The following TNFRSF10B variants were observed in gnomAD, a reference collection of about 807,000 sequenced individuals.
TNFRSF10B encodes tumor necrosis factor receptor superfamily member 10B.
In TNFRSF10B, 35 loss-of-function variants were observed where a neutral mutation model predicts 41.4. That is an observed-to-expected ratio of 0.85 (90% confidence interval 0.65 to 1.12). The LOEUF is 1.12. TNFRSF10B is among the 50% of genes most tolerant of loss of function. The pLI, the probability that TNFRSF10B is intolerant of heterozygous loss-of-function variation, is 0.00. For synonymous variants in TNFRSF10B, 230 were observed against 215.5 expected (o/e 1.07, Z -0.59); for missense variants, 584 against 552.7 (o/e 1.06, Z -0.57).
chr8:23,050,215 T>A (rs964191126), intron 1 of TNFRSF10B, among the ~76,000 whole-genome samples: 4 of 152,234 alleles, frequency 2.6e-5, no homozygotes, highest in Admixed American at 6.5e-5. Context: ...TTGGTTGATA[T>A]CAGGTTTTGC....
At chr8:23,028,704 G>A in intron 4 of TNFRSF10B, 102 bp from the exon 5 acceptor site, 2 of 1,423,444 alleles carry the variant, frequency 1.4e-6, no homozygotes, top group African/African-American at 1.4e-5. Flanking sequence ...CTGAGAAGGT[G>A]TCAGGGGAAG....
Position 23,043,137 on chromosome 8 carries a change from C to A in TNFRSF10B, c.250+1G>T. On this transcript the variant is annotated splice_donor_variant, in intron 2 of 8. Transcript: ENST00000276431. LOFTEE classifies it high-confidence loss of function. ...GGATTAGAGACCCATCTTGAACATA[C>A]CAGGTGGACACAATCCCTCTGAGGG... 1 of 1,613,924 alleles carries A rather than the reference C, an allele frequency of 6.2e-7. No homozygotes were observed. The highest frequency in any genetic ancestry group is 1.1e-5 in the South Asian group (1 of 91,072).
chr8:23,056,875 T>C (rs1160939577), intron 1 of TNFRSF10B, among the ~76,000 whole-genome samples: 1 of 152,086 alleles, frequency 6.6e-6, no homozygotes, highest in Non-Finnish European at 1.5e-5. Flanking sequence ...ATGAGTTCTC[T>C]TTTTTAAAAG....
At chr8:23,026,018 A>G (rs145010119) in intron 7 of TNFRSF10B, among the ~76,000 whole-genome samples, 27 of 152,280 alleles carry the variant, frequency 1.8e-4, no homozygotes, top group South Asian at 4.1e-4. Flanking sequence ...AGGGGTTGCA[A>G]TGAGCCAAGA....
chr8:23,028,121 G>A (rs987287565), intron 5 of TNFRSF10B: 5 of 662,108 alleles, frequency 7.6e-6, no homozygotes, highest in Non-Finnish European at 1.3e-5. Context: ...GGAGATATGG[G>A]GACCCCCAGA....
At chr8:23,042,248 A>C (rs1035408029) in intron 2 of TNFRSF10B, among the ~76,000 whole-genome samples, 2 of 152,184 alleles carry the variant, frequency 1.3e-5, no homozygotes, top group African/African-American at 4.8e-5. Flanking sequence ...GCAAGCCCAC[A>C]TGTGCAATGT....
intron 1 of TNFRSF10B, among the ~76,000 whole-genome samples, chr8:23,057,932 A>G (rs1812718841): frequency 6.6e-6 from 1 of 152,102 alleles, no homozygotes; most frequent in South Asian, 2.1e-4. Context: ...TGCTCCTACT[A>G]TACCTGCATT....
intron 1 of TNFRSF10B, among the ~76,000 whole-genome samples, chr8:23,057,509 T>C (rs2128819945): frequency 6.6e-6 from 1 of 151,090 alleles, no homozygotes; most frequent in East Asian, 2.0e-4. Context: ...CTCGGCTCAC[T>C]GCAACCTCCG....
chr8:23,028,564 G>A lies in TNFRSF10B; in HGVS notation c.515C>T (p.Pro172Leu), dbSNP rs747060098. The A allele has an allele frequency of 1.2e-6, 2 of 1,614,020 alleles. No individual in the cohort carries two copies. The highest frequency in any genetic ancestry group is 3.3e-5 in the Admixed American group (2 of 60,008). ...RGMVKVGDCT[P>L]WSDIECVHKE... The stretch of plus-strand genomic sequence containing the variant: ...GTGGACACATTCGATGTCACTCCAG[G>A]GTGTACAATCACCGACCTTGACCAT... The change falls in exon 5 of 9, where the codon CCC becomes CTC. Residue 172 changes from proline (P) to leucine (L), a missense_variant. Transcript: ENST00000276431.
At chr8:23,066,161 TG>T (rs1812974162) in intron 1 of TNFRSF10B, among the ~76,000 whole-genome samples, 1 of 151,976 alleles carries the variant, frequency 6.6e-6, no homozygotes, top group African/African-American at 2.4e-5. Flanking sequence ...CAAGTGCCTG[TG>T]GTCCCAGCTA....
chr8:23,021,518 G>C lies in TNFRSF10B; in HGVS notation c.*1153C>G. 2.2e-6 allele frequency: 1 copy of C among 454,132 alleles called. No individual in the cohort carries two copies. Among genetic ancestry groups the C allele is most frequent in the Non-Finnish European group, 4.4e-6 (1 of 226,794 alleles). The allele number at this position is 454,132 out of a possible 1,614,324, so 28.1% of individuals were successfully genotyped here. A position where few individuals can be genotyped will look rare whatever the true frequency, so the allele number is the denominator to read the frequency against. On this transcript the variant is annotated 3_prime_UTR_variant, in exon 9 of 9. Coordinates refer to ENST00000276431, the MANE Select transcript of TNFRSF10B (RefSeq NM_003842.5). ...TCTCCTGAGCCCAAACAGGGCTCAAGTTCACTTGGGATATGACATAGACCC... is the reference window on the plus strand; with the variant it reads ...TCTCCTGAGCCCAAACAGGGCTCAACTTCACTTGGGATATGACATAGACCC...
chr8:23,031,586 G>C (rs1811887036), intron 2 of TNFRSF10B, among the ~76,000 whole-genome samples: 1 of 151,670 alleles, frequency 6.6e-6, no homozygotes, highest in African/African-American at 2.4e-5. Context: ...GTAGAGACGA[G>C]GTTTCACCAT....
At position 23,055,521 on chromosome 8, in the gene TNFRSF10B, T is replaced by TTAAAAAAAAAAA. The variant is rs1554510887; in HGVS notation, c.145-12279_145-12278insTTTTTTTTTTTA. On this transcript the variant is annotated intron_variant, in intron 1 of 8. Transcript: ENST00000276431. ...GTGCTTAAGTTAACTATTAAATGCT[T>TTAAAAAAAAAAA]AAAAAAAAAAAAAAAAAAGCCAGTG... Among the ~76,000 whole-genome samples the TTAAAAAAAAAAA allele has an allele frequency of 1.2e-3, 142 of 120,500 alleles. 1 individual carries two copies. The highest frequency in any genetic ancestry group is 4.2e-3 in the African/African-American group (136 of 32,536). 79.1% of individuals were successfully genotyped at this position (120,500 alleles called of 152,430 possible).
chr8:23,043,582 G>A (rs1352174319), intron 1 of TNFRSF10B, among the ~76,000 whole-genome samples: 4 of 152,068 alleles, frequency 2.6e-5, no homozygotes, highest in Admixed American at 2.6e-4. Context: ...TTTTCCATAG[G>A]TATGCCTATT....
Position 23,022,920 on chromosome 8 carries a change from C to A in TNFRSF10B, c.1074G>T (p.Met358Ile), listed in dbSNP as rs762446032. 6.2e-7 allele frequency: 1 copy of A among 1,614,122 alleles called. No individual in the cohort carries two copies. The highest frequency in any genetic ancestry group is 8.5e-7 in the Non-Finnish European group (1 of 1,180,034). ...CATTGTCCATGAGGCCCAACTTCCTCATGAGCGGCTCCCAGGAGTCAAAGG... is the reference window on the plus strand; with the variant it reads ...CATTGTCCATGAGGCCCAACTTCCTAATGAGCGGCTCCCAGGAGTCAAAGG... ...LVPFDSWEPL[M>I]RKLGLMDNEI... Residue 358 changes from methionine (M) to isoleucine (I), a missense_variant, in exon 9 of 9, where the codon ATG (methionine) becomes ATT (isoleucine). Transcript: ENST00000276431.
intron 1 of TNFRSF10B, among the ~76,000 whole-genome samples, chr8:23,060,205 A>C (rs1812792960): frequency 6.6e-6 from 1 of 152,218 alleles, no homozygotes; most frequent in Admixed American, 6.5e-5. Context: ...CATCCAAGAA[A>C]TTATTGCCAA....
chr8:23,068,829 G>C lies in TNFRSF10B; in HGVS notation c.66C>G (p.Pro22=). The change falls in exon 1 of 9, where the codon CCC becomes CCG. Residue 22 remains proline (P), a synonymous_variant. Transcript: ENST00000276431. ...SGARKRHGPG[P]REARGARPGP... is the part of the protein sequence containing the mutation. Reference sequence around the variant, plus strand: ...CAGGCCTGGCTCCCCGCGCCTCCCTGGGTCCTGGGCCGTGCCTTTTCCGGG... The same window carrying C: ...CAGGCCTGGCTCCCCGCGCCTCCCTCGGTCCTGGGCCGTGCCTTTTCCGGG... 6.2e-7 allele frequency: 1 copy of C among 1,612,924 alleles called. No individual in the cohort carries two copies. The highest frequency in any genetic ancestry group is 2.2e-5 in the East Asian group (1 of 44,864).
At chr8:23,065,709 C>A (rs1195396489) in intron 1 of TNFRSF10B, among the ~76,000 whole-genome samples, 3 of 152,010 alleles carry the variant, frequency 2.0e-5, no homozygotes, top group African/African-American at 7.3e-5. Flanking sequence ...CAAACTGATC[C>A]TCAGTTTTCT....
chr8:23,064,732 C>A (rs1355623637), intron 1 of TNFRSF10B, among the ~76,000 whole-genome samples: 1 of 152,182 alleles, frequency 6.6e-6, no homozygotes, highest in South Asian at 2.1e-4. Flanking sequence ...AAAATTAACC[C>A]GAGTAACCTC....
Sources: allele counts gnomAD v4.1 joint callset (sites outside exome capture counted in the v4.1 genomes callset), GRCh38; gene constraint gnomAD v4.1.1; transcripts MANE v1.5; gene names NCBI Gene and HGNC (gene_info 2026-07-23, HGNC 2026-07-21).